The following FOXP1 variants were observed in gnomAD, a reference collection of about 807,000 sequenced individuals.
FOXP1 encodes the protein forkhead box P1.
A neutral mutation model predicts 98.2 loss-of-function variants in FOXP1; 15 were observed. The ratio of observed to expected loss-of-function variants is 0.15; its 90% CI spans 0.10 to 0.24. The LOEUF (loss-of-function observed/expected upper bound fraction) is 0.24, where lower values mean the gene tolerates loss of function less well. Among genes scored for constraint, FOXP1 ranks in the 10% least tolerant of loss-of-function variants. FOXP1 has a pLI of 1.00. For missense variants in FOXP1, 633 were observed against 848.5 expected (o/e 0.75, Z 3.15); for synonymous variants, 371 against 314.5 (o/e 1.18, Z -1.90).
At chr3:70,967,653 T>TG (rs2035120493) in intron 19 of FOXP1, among the ~76,000 whole-genome samples, 1 of 151,368 alleles carries the variant, frequency 6.6e-6, no homozygotes, top group South Asian at 2.1e-4. Flanking sequence ...TTGTTTTTTT[T>TG]TTGGCAGAGC....
chr3:71,053,237 A>T (rs2050150411), intron 8 of FOXP1, among the ~76,000 whole-genome samples: 1 of 152,148 alleles, frequency 6.6e-6, no homozygotes, highest in Non-Finnish European at 1.5e-5. Context: ...ATGTTTAAAG[A>T]AAAAAAATCT....
At chr3:71,265,421 T>G (rs1219282754) in intron 5 of FOXP1, among the ~76,000 whole-genome samples, 1 of 152,232 alleles carries the variant, frequency 6.6e-6, no homozygotes, top group African/African-American at 2.4e-5. Flanking sequence ...TAGTGAACTC[T>G]GAGGCAAATC....
At position 71,022,842 on chromosome 3, in the gene FOXP1, A is replaced by G. The variant is rs146730061; in HGVS notation, c.870-7189T>C. On this transcript the variant is annotated intron_variant, in intron 11 of 20. Transcript: ENST00000649528. ...CAGATGGCATAGGGAACAGGCACCA[A>G]TGGCACATCCTGGTATTGACAAGAT... is the stretch of plus-strand genomic sequence containing the variant. 6.3e-3 allele frequency among the ~76,000 whole-genome samples: 954 copies of G among 152,292 alleles called. 9 individuals carry two copies. The highest frequency in any genetic ancestry group is 0.02 in the African/African-American group (815 of 41,552).
intron 6 of FOXP1, among the ~76,000 whole-genome samples, chr3:71,193,351 T>G (rs1222540316): frequency 7.8e-6 from 1 of 128,626 alleles, no homozygotes; most frequent in Non-Finnish European, 1.6e-5. Context: ...GGTTTCACCA[T>G]GTTAGCCAGG....
At chr3:71,206,790 C>T (rs766932719) in intron 5 of FOXP1, among the ~76,000 whole-genome samples, 1 of 152,294 alleles carries the variant, frequency 6.6e-6, no homozygotes, top group East Asian at 1.9e-4. Flanking sequence ...TTACAGATGT[C>T]TCAATTTATA....
intron 14 of FOXP1, among the ~76,000 whole-genome samples, chr3:70,978,377 A>G (rs186489819): frequency 4.6e-5 from 7 of 152,292 alleles, no homozygotes; most frequent in South Asian, 2.1e-4. Context: ...GGCCTTGTCA[A>G]CCTCAAAGAG....
chr3:71,062,412 C>T (rs1007662569), intron 7 of FOXP1, among the ~76,000 whole-genome samples: 2 of 152,112 alleles, frequency 1.3e-5, no homozygotes, highest in Non-Finnish European at 2.9e-5. Flanking sequence ...GACAAAAGTT[C>T]GCTAATTTTG....
At chr3:71,200,174 A>T (rs768695275) in intron 5 of FOXP1, among the ~76,000 whole-genome samples, 3 of 151,820 alleles carry the variant, frequency 2.0e-5, no homozygotes, top group African/African-American at 4.8e-5. Context: ...GCACAAAACC[A>T]TTATCCCAGA....
chr3:71,093,774 T>C (rs926035630), intron 7 of FOXP1, among the ~76,000 whole-genome samples: 3 of 151,562 alleles, frequency 2.0e-5, no homozygotes, highest in Non-Finnish European at 2.9e-5. Flanking sequence ...AGAATCGCTA[T>C]GTCATTTACA....
chr3:70,988,135 C>T (rs1401107981), intron 13 of FOXP1, 58 bp from the exon 14 acceptor site: 11 of 1,409,760 alleles, frequency 7.8e-6, no homozygotes, highest in African/African-American at 2.8e-5. Context: ...GCTCTTAACA[C>T]CAAAAATGAT....
At chr3:71,394,573 A>C (rs945555967) in intron 3 of FOXP1, among the ~76,000 whole-genome samples, 5 of 152,220 alleles carry the variant, frequency 3.3e-5, no homozygotes, top group African/African-American at 1.2e-4. Flanking sequence ...TTTAATAGAT[A>C]AGATGATCAA....
intron 20 of FOXP1, among the ~76,000 whole-genome samples, chr3:70,961,067 C>T (rs190115436): frequency 2.0e-5 from 3 of 152,000 alleles, no homozygotes; most frequent in East Asian, 3.9e-4. Flanking sequence ...CTCCTGACCT[C>T]GTGATCCGCC....
At chr3:71,213,592 C>T (rs10865658) in intron 5 of FOXP1, among the ~76,000 whole-genome samples, 66,328 of 151,978 alleles carry the variant, frequency 0.44, 14,939 homozygotes, top group Non-Finnish European at 0.49. Flanking sequence ...CCGAGGCAGG[C>T]GGATCACAAG....
chr3:71,467,342 G>T (rs141168636), intron 3 of FOXP1, among the ~76,000 whole-genome samples: 5 of 152,288 alleles, frequency 3.3e-5, no homozygotes, highest in African/African-American at 1.2e-4. Flanking sequence ...TTTCAGCAAA[G>T]AATTGTTGGA....
chr3:71,308,759 G>A (rs2074466678), intron 4 of FOXP1, among the ~76,000 whole-genome samples: 4 of 47,834 alleles, frequency 8.4e-5, no homozygotes, highest in African/African-American at 2.7e-4. Flanking sequence ...ATGTGTGTGT[G>A]TGTGTGTGTG....
chr3:71,269,850 A>G (rs974372039), intron 5 of FOXP1, among the ~76,000 whole-genome samples: 9 of 152,340 alleles, frequency 5.9e-5, no homozygotes, highest in African/African-American at 2.2e-4. Flanking sequence ...GCCCACTGAT[A>G]TCACTCACCA....
chr3:71,257,018 G>A (rs757966703), intron 5 of FOXP1, among the ~76,000 whole-genome samples: 1 of 152,282 alleles, frequency 6.6e-6, no homozygotes, highest in South Asian at 2.1e-4. Context: ...TGGCCAAAGG[G>A]AATCTCTGTT....
At chr3:71,117,556 G>A (rs904506633) in intron 6 of FOXP1, among the ~76,000 whole-genome samples, 7 of 152,110 alleles carry the variant, frequency 4.6e-5, no homozygotes, top group African/African-American at 1.7e-4. Flanking sequence ...ATGGGAGAGG[G>A]AGAGAGAAGG....
At chr3:70,978,743 A>T (rs1409061456) in intron 14 of FOXP1, among the ~76,000 whole-genome samples, 1 of 152,152 alleles carries the variant, frequency 6.6e-6, no homozygotes, top group African/African-American at 2.4e-5. Flanking sequence ...TCAATCAATC[A>T]ATCAGTTGGC....
Sources: allele counts gnomAD v4.1 joint callset (sites outside exome capture counted in the v4.1 genomes callset), GRCh38; gene constraint gnomAD v4.1.1; transcripts MANE v1.5; gene names NCBI Gene and HGNC (gene_info 2026-07-23, HGNC 2026-07-21).